TRIM9: variants seen among roughly 807,000 people sequenced by gnomAD.
TRIM9 encodes E3 ubiquitin-protein ligase TRIM9.
A neutral mutation model predicts 78.3 loss-of-function variants in TRIM9; 26 were observed. The ratio of observed to expected loss-of-function variants is 0.33; its 90% CI spans 0.24 to 0.46. TRIM9 has a LOEUF of 0.46. TRIM9 is among the 20% of genes least tolerant of loss of function. TRIM9 has a pLI of 1.00. For missense variants in TRIM9, 787 were observed against 1,036.4 expected (o/e 0.76, Z 3.30); for synonymous variants, 398 against 416.5 (o/e 0.96, Z 0.54).
At chr14:51,042,178 T>C (rs896283579) in intron 1 of TRIM9, among the ~76,000 whole-genome samples, 3 of 152,140 alleles carry the variant, frequency 2.0e-5, no homozygotes, top group African/African-American at 7.2e-5. Context: ...AGTGAGCTGG[T>C]TTTTCAAAGC....
chr14:51,087,460 T>TC (rs2063868792), intron 1 of TRIM9, among the ~76,000 whole-genome samples: 1 of 152,190 alleles, frequency 6.6e-6, no homozygotes, highest in Non-Finnish European at 1.5e-5. Flanking sequence ...TCTTGGGTAA[T>TC]CTCACTTGGA....
intron 7 of TRIM9, chr14:50,996,924 T>C: frequency 1.0e-6 from 1 of 985,436 alleles, no homozygotes; most frequent in Non-Finnish European, 1.2e-6. Context: ...TGCTGTAGGA[T>C]TCAAAATTGT....
In TRIM9 at chr14:51,009,383, A is replaced by G. The variant is rs143707563; in HGVS notation, c.1153-150T>C. The G allele has an allele frequency of 3.9e-3, 3,379 of 874,602 alleles. 17 individuals are homozygous for G. Among genetic ancestry groups the G allele is most frequent in the Middle Eastern group, 0.015 (45 of 3,012 alleles). The allele number at this position is 874,602 out of a possible 1,614,324, so 54.2% of individuals were successfully genotyped here. On this transcript the variant is annotated intron_variant, in intron 4 of 12. Transcript: ENST00000684578. Reference sequence around the variant, plus strand: ...CAGTGCTGTTGGTGAGGAACACCCCATTAGGACTAGGGTGACTCACAATTC... The same window carrying G: ...CAGTGCTGTTGGTGAGGAACACCCCGTTAGGACTAGGGTGACTCACAATTC...
chr14:51,037,716 A>C (rs1329714784), intron 1 of TRIM9, among the ~76,000 whole-genome samples: 1 of 152,106 alleles, frequency 6.6e-6, no homozygotes, highest in Admixed American at 6.5e-5. Flanking sequence ...TCTTTAAAAA[A>C]ATTTTTTTTC....
chr14:50,981,613 A>G (rs1027782223), intron 11 of TRIM9, among the ~76,000 whole-genome samples, 187 bp downstream of exon 11: 2 of 152,204 alleles, frequency 1.3e-5, no homozygotes, highest in South Asian at 4.1e-4. Flanking sequence ...TCAAGTCTCT[A>G]TCATTATATA....
intron 7 of TRIM9, among the ~76,000 whole-genome samples, chr14:50,991,006 C>A (rs2053437254): frequency 6.6e-6 from 1 of 152,110 alleles, no homozygotes; most frequent in Non-Finnish European, 1.5e-5. Flanking sequence ...TTAAGTGTGG[C>A]ATTAATTGCA....
At chr14:51,023,263 G>GTTAT (rs1434185199) in intron 2 of TRIM9, among the ~76,000 whole-genome samples, 1 of 152,096 alleles carries the variant, frequency 6.6e-6, no homozygotes, top group East Asian at 1.9e-4. Context: ...ATGTTTTTGA[G>GTTAT]GGCCACATAT....
intron 1 of TRIM9, among the ~76,000 whole-genome samples, chr14:51,089,745 T>C (rs959086699): frequency 2.0e-5 from 3 of 152,234 alleles, no homozygotes; most frequent in Non-Finnish European, 4.4e-5. Flanking sequence ...AGTCTCACTC[T>C]TTTAGGCCAC....
chr14:50,999,093 C>T (rs1304414598), intron 6 of TRIM9, among the ~76,000 whole-genome samples: 1 of 152,128 alleles, frequency 6.6e-6, no homozygotes, highest in African/African-American at 2.4e-5. Context: ...GTTGCTGATC[C>T]AGTAGGTGTC....
intron 1 of TRIM9, among the ~76,000 whole-genome samples, chr14:51,092,122 G>T (rs2064402748): frequency 6.6e-6 from 1 of 152,138 alleles, no homozygotes; most frequent in Admixed American, 6.5e-5. Flanking sequence ...ATAATTAGCA[G>T]TTTAAAAGTG....
rs1400134931 is a variant in TRIM9 at position 51,094,819 on chromosome 14, T to G, written c.121A>C (p.Thr41Pro). ...CTCTGGGGGGATTCAGACTCTGGGG[T>G]CTGCACCAGGATGTTGCGGGCGCAC... ...QACARNILVQ[T>P]PESESPQSHR... Residue 41 changes from threonine (T) to proline (P), a missense_variant, in exon 1 of 13, where the codon ACC becomes CCC. Coordinates refer to ENST00000684578, the MANE Select transcript of TRIM9 (RefSeq NM_001387360.1). The G allele has an allele frequency of 6.5e-7, 1 of 1,536,660 alleles. No individual in the cohort carries two copies. The highest frequency in any genetic ancestry group is 2.3e-5 in the East Asian group (1 of 44,320).
chr14:51,030,790 C>T (rs896250109), intron 1 of TRIM9, among the ~76,000 whole-genome samples: 1 of 152,080 alleles, frequency 6.6e-6, no homozygotes, highest in Non-Finnish European at 1.5e-5. Flanking sequence ...AGGCTGGTAT[C>T]AGAGGAATCT....
chr14:51,094,732 G>A lies in TRIM9; in HGVS notation c.208C>T (p.Leu70=). 6.5e-7 allele frequency: 1 copy of A among 1,547,566 alleles called. No individual in the cohort carries two copies. Among genetic ancestry groups the A allele is most frequent in the South Asian group, 1.2e-5 (1 of 80,536 alleles). Residue 70 remains leucine, a synonymous_variant, in exon 1 of 13, where the codon CTA becomes TTA. Coordinates refer to ENST00000684578, the MANE Select transcript of TRIM9 (RefSeq NM_001387360.1). ...TAGCCGCTGTCCGCCTCGCTGTATA[G>A]GCTCATCTTGTCCAGGTCCAGATAG... ...YDYLDLDKMS[L]YSEADSGYGS... is the part of the protein sequence containing the mutation.
chr14:50,993,303 T>C (rs2053761167), intron 7 of TRIM9, among the ~76,000 whole-genome samples: 1 of 151,864 alleles, frequency 6.6e-6, no homozygotes, highest in South Asian at 2.1e-4. Context: ...AGTTTGGATA[T>C]TATGCTGGAA....
chr14:51,019,123 T>C (rs764002913), intron 3 of TRIM9, among the ~76,000 whole-genome samples: 43 of 152,238 alleles, frequency 2.8e-4, no homozygotes, highest in Non-Finnish European at 5.0e-4. Flanking sequence ...GGAGCACAGA[T>C]AGGAAATGTA....
intron 1 of TRIM9, among the ~76,000 whole-genome samples, chr14:51,084,131 T>C (rs1199256525): frequency 6.6e-6 from 1 of 152,056 alleles, no homozygotes. Context: ...AGTCTTTATA[T>C]CTAAATGTCA....
At chr14:51,072,618 A>C (rs993356402) in intron 1 of TRIM9, among the ~76,000 whole-genome samples, 3 of 151,816 alleles carry the variant, frequency 2.0e-5, no homozygotes, top group Admixed American at 2.0e-4. Context: ...ATGAAATCAC[A>C]ATTACTTTCT....
intron 1 of TRIM9, among the ~76,000 whole-genome samples, 182 bp from the exon 2 acceptor site, chr14:51,025,542 T>TC (rs1197125459): frequency 1.3e-4 from 20 of 152,330 alleles, no homozygotes; most frequent in African/African-American, 4.6e-4. Context: ...CCTGAGTAGT[T>TC]TCTCCTTGGA....
At chr14:51,048,887 G>A (rs1211538300) in intron 1 of TRIM9, among the ~76,000 whole-genome samples, 1 of 151,754 alleles carries the variant, frequency 6.6e-6, no homozygotes, top group African/African-American at 2.4e-5. Context: ...GGGAGGCTGA[G>A]GCAGGAGAAT....
Sources: gnomAD v4.1 joint callset for allele counts (sites outside exome capture counted in the v4.1 genomes callset) on GRCh38, gnomAD v4.1.1 for gene constraint, MANE v1.5 for transcripts, NCBI Gene and HGNC (gene_info 2026-07-23, HGNC 2026-07-21) for gene names.